RFX2: variants seen among roughly 807,000 people sequenced by gnomAD.
RFX2 encodes the protein regulatory factor X2, also known as DNA-binding protein RFX2.
RFX2 carries 20 observed loss-of-function variants against 87.8 expected under a neutral mutation model. That is an observed-to-expected ratio of 0.23 (90% CI 0.16 to 0.33). The LOEUF (loss-of-function observed/expected upper bound fraction) is 0.33. Among genes scored for constraint, RFX2 ranks in the 10% least tolerant of loss-of-function variants. RFX2 has a pLI of 1.00. For synonymous variants in RFX2, 397 were observed against 431.3 expected, an observed-to-expected ratio of 0.92 and a Z score of 0.98; for missense variants, 767 against 1,012.3, an observed-to-expected ratio of 0.76 and a Z score of 3.29.
In RFX2 at chr19:6,026,265, C is replaced by T. The variant is rs1193803618; in HGVS notation, c.523-28G>A. ...AAAGAAAATGTGTGCAGAAACAAAA[C>T]AAAACAAAATGGAAAAAAAAAAAAA... On this transcript the variant is annotated intron_variant, in intron 5 of 17. Transcript: ENST00000303657. This position sits in a 1 kb window ranked among gnomAD's most constrained non-coding sequence, Gnocchi z 4.5. 1.4e-6 allele frequency: 2 copies of T among 1,472,790 alleles called. No individual in the cohort carries two copies. The highest frequency in any genetic ancestry group is 2.4e-5 in the East Asian group (1 of 41,924). The allele number at this position is 1,472,790 out of a possible 1,614,324, so 91.2% of individuals were successfully genotyped here. A position where few individuals can be genotyped will look rare whatever the true frequency, so the allele number is the denominator to read the frequency against.
At chr19:6,109,543 TA>T (rs1376763054) in intron 1 of RFX2, among the ~76,000 whole-genome samples, 1 of 152,010 alleles carries the variant, frequency 6.6e-6, no homozygotes, top group Non-Finnish European at 1.5e-5. Context: ...GGGAGTCCAT[TA>T]AAAAGGGGGT....
intron 12 of RFX2, among the ~76,000 whole-genome samples, chr19:6,006,315 A>G (rs975159367): frequency 6.6e-6 from 1 of 151,484 alleles, no homozygotes; most frequent in African/African-American, 2.4e-5. Context: ...ATGCAACACC[A>G]CACCAGCTAA....
At chr19:6,104,704 ATGCAGCTCTC>A (rs1424505233) in intron 1 of RFX2, among the ~76,000 whole-genome samples, 2 of 152,136 alleles carry the variant, frequency 1.3e-5, no homozygotes, top group Non-Finnish European at 2.9e-5. Context: ...ACCACACCCA[ATGCAGCTCTC>A]AACTCTTCAT....
At chr19:6,033,242 T>A (rs533448506) in intron 5 of RFX2, among the ~76,000 whole-genome samples, 44 of 152,314 alleles carry the variant, frequency 2.9e-4, no homozygotes, top group African/African-American at 9.9e-4. Flanking sequence ...CTAATGTCCT[T>A]CCTCTGGACC....
In RFX2 at chr19:6,024,360, G is replaced by A. The variant is rs575130796; in HGVS notation, c.597+1803C>T. 5.8e-4 allele frequency among the ~76,000 whole-genome samples: 88 copies of A among 152,298 alleles called. No homozygotes were observed. Among genetic ancestry groups the A allele is most frequent in the Non-Finnish European group, 1.1e-3 (75 of 68,016 alleles). On this transcript the variant is annotated intron_variant, in intron 6 of 17. Coordinates refer to ENST00000303657, the MANE Select transcript of RFX2 (RefSeq NM_000635.4). This position sits in a 1 kb window ranked among gnomAD's most constrained non-coding sequence, Gnocchi z 5.0. ...CCTTCTCCCTGAGTTCATCTACAGG[G>A]AGGATGTCATCCAGCAGTGACAGAT... is the stretch of plus-strand genomic sequence containing the variant.
At chr19:6,107,616 CAAAAAAAAA>C (rs1156483792) in intron 1 of RFX2, among the ~76,000 whole-genome samples, 19 of 31,554 alleles carry the variant, frequency 6.0e-4, no homozygotes, top group African/African-American at 1.7e-3. Flanking sequence ...GACCCTGTCT[CAAAAAAAAA>C]AAAAAAAAAA....
At chr19:6,031,845 G>GTC (rs1468211082) in intron 5 of RFX2, among the ~76,000 whole-genome samples, 1 of 152,034 alleles carries the variant, frequency 6.6e-6, no homozygotes, top group African/African-American at 2.4e-5. Flanking sequence ...AAGAGGTGGG[G>GTC]TCTCTCTCTG....
intron 1 of RFX2, among the ~76,000 whole-genome samples, chr19:6,090,489 T>A (rs915849104): frequency 1.3e-5 from 2 of 151,534 alleles, no homozygotes; most frequent in African/African-American, 4.9e-5. Flanking sequence ...AGAACCACCA[T>A]GAAACACCAC....
At chr19:6,105,098 C>T (rs1238204296) in intron 1 of RFX2, among the ~76,000 whole-genome samples, 2 of 140,522 alleles carry the variant, frequency 1.4e-5, no homozygotes, top group Non-Finnish European at 3.0e-5. Flanking sequence ...AGCCTGGTGA[C>T]AGAGTGAGAC....
chr19:5,995,289 C>T (rs914246821), intron 17 of RFX2, among the ~76,000 whole-genome samples: 12 of 152,276 alleles, frequency 7.9e-5, no homozygotes, highest in Non-Finnish European at 1.6e-4. Flanking sequence ...TCCCTCTGGC[C>T]TGCCTGTCCC....
In RFX2 at chr19:6,047,661, C is replaced by T. The variant is rs528573751; in HGVS notation, c.-8-157G>A. 6.6e-5 allele frequency among the ~76,000 whole-genome samples: 10 copies of T among 152,304 alleles called. No homozygotes were observed. Among genetic ancestry groups the T allele is most frequent in the African/African-American group, 2.2e-4 (9 of 41,568 alleles). ...GTGGTACTGCCTAAGTGAGGAGCTG[C>T]GGAAACAGGCTGCACAACTGTCCCA... On this transcript the variant is annotated intron_variant, in intron 1 of 17. Coordinates refer to ENST00000303657, the MANE Select transcript of RFX2 (RefSeq NM_000635.4). The surrounding 1 kb of genome is among the most constrained non-coding windows in gnomAD (Gnocchi z 4.2).
At chr19:6,106,224 G>A (rs913580453) in intron 1 of RFX2, among the ~76,000 whole-genome samples, 8 of 139,388 alleles carry the variant, frequency 5.7e-5, no homozygotes, top group Non-Finnish European at 1.2e-4. Flanking sequence ...ATATTCCATC[G>A]GCCTGCCCAT....
At position 6,063,113 on chromosome 19, in the gene RFX2, T is replaced by C. The variant is rs963469714; in HGVS notation, c.-8-15609A>G. Among the ~76,000 whole-genome samples the C allele has an allele frequency of 6.6e-6, 1 of 152,160 alleles. No homozygotes were observed. Among genetic ancestry groups the C allele is most frequent in the Non-Finnish European group, 1.5e-5 (1 of 68,014 alleles). ...TGCTCCTAGGCCGCCTTCTCCCTCA[T>C]GCATCCAGCTACTTGGTTTGAAACT... On this transcript the variant is annotated intron_variant, in intron 1 of 17. Transcript: ENST00000303657. The surrounding 1 kb of genome is among the most constrained non-coding windows in gnomAD (Gnocchi z 4.0).
Position 6,010,196 on chromosome 19 carries a change from G to C in RFX2, c.955C>G (p.Leu319Val), listed in dbSNP as rs149873114. The C allele has an allele frequency of 1.4e-3, 2,097 of 1,548,726 alleles. 6 individuals are homozygous for C. The highest frequency in any genetic ancestry group is 1.6e-3 in the Non-Finnish European group (1,879 of 1,146,972). ...ATGGTCTGTTCCGGAGTGCTGTGCA[G>C]GCCGCTGTGGGAGCCGCTGTCCCCG... ...SLGDSGSHSG[L>V]HSTPEQTMAV... Residue 319 changes from leucine (L) to valine (V), a missense_variant, in exon 9 of 18, where the codon CTG becomes GTG. Physicochemically the swap from Leu to Val is conservative, Grantham distance 32. Around this residue, in one of 2 missense-constraint regions of RFX2, gnomAD observed 621 missense variants for 873.0 expected, o/e 0.71. Coordinates refer to ENST00000303657, the MANE Select transcript of RFX2 (RefSeq NM_000635.4). This position sits in a 1 kb window ranked among gnomAD's most constrained non-coding sequence, Gnocchi z 5.0.
In RFX2 at chr19:6,016,231, A is replaced by T; in HGVS notation, c.638T>A (p.Val213Glu). The stretch of plus-strand genomic sequence containing the variant: ...GTAAAGAGAACTTCTGGGGAGACTC[A>T]CACCTTCCGCTGTTTCATAATTATC... ...LLDNYETAEG[V>E]SLPRSSLYNH... Residue 213 changes from valine (V) to glutamate (E), a missense_variant, in exon 7 of 18, where the codon GTG (valine) becomes GAG (glutamate). Coordinates refer to ENST00000303657, the MANE Select transcript of RFX2 (RefSeq NM_000635.4). The surrounding 1 kb of genome is among the most constrained non-coding windows in gnomAD (Gnocchi z 5.4). 6.2e-7 allele frequency: 1 copy of T among 1,612,704 alleles called. No homozygotes were observed. The highest frequency in any genetic ancestry group is 2.2e-5 in the East Asian group (1 of 44,838).
rs565974168 is a variant in RFX2, at chr19:6,044,915, T to C, written c.91-633A>G. ...GCTCTCCAGCCTCCTAAGTCAAATC[T>C]GCACAGTGTGGCTTTGCTATTTTTC... On this transcript the variant is annotated intron_variant, in intron 2 of 17. Transcript: ENST00000303657. This position sits in a 1 kb window ranked among gnomAD's most constrained non-coding sequence, Gnocchi z 5.3. 2.0e-4 allele frequency among the ~76,000 whole-genome samples: 31 copies of C among 152,328 alleles called. No individual in the cohort carries two copies. In the South Asian group the frequency reaches 5.8e-3, roughly 28 times the overall value.
chr19:6,061,582 C>T lies in RFX2; in HGVS notation c.-8-14078G>A, dbSNP rs2087431620. ...GGAACATTTGGTTCCCTTCCTACTC[C>T]CGGCCCCGCCTCTGGATCTTACTGG... On this transcript the variant is annotated intron_variant, in intron 1 of 17. Coordinates refer to ENST00000303657, the MANE Select transcript of RFX2 (RefSeq NM_000635.4). The surrounding 1 kb of genome is among the most constrained non-coding windows in gnomAD (Gnocchi z 5.2). Among the ~76,000 whole-genome samples, 2 of 152,236 alleles carry T rather than the reference C, an allele frequency of 1.3e-5. No individual in the cohort carries two copies. Among genetic ancestry groups the T allele is most frequent in the Admixed American group, 1.3e-4 (2 of 15,288 alleles).
intron 1 of RFX2, among the ~76,000 whole-genome samples, chr19:6,099,320 T>G (rs2088079638): frequency 6.6e-6 from 1 of 152,136 alleles, no homozygotes; most frequent in East Asian, 1.9e-4. Context: ...TCCCCGAACT[T>G]TCTGGAAAAA....
At position 6,002,137 on chromosome 19, in the gene RFX2, C is replaced by G; in HGVS notation, c.1651-114G>C. 1 of 872,052 alleles carries G rather than the reference C, an allele frequency of 1.1e-6. No homozygotes were observed. Among genetic ancestry groups the G allele is most frequent in the Non-Finnish European group, 1.7e-6 (1 of 593,312 alleles). The allele number at this position is 872,052 out of a possible 1,614,324, so 54.0% of individuals were successfully genotyped here. Reference sequence around the variant, plus strand: ...TCGTGCTGTGCTTGAGCCTTCTCGCCCTTGACCTTGACAGCTGCAAGCCAA... The same window carrying G: ...TCGTGCTGTGCTTGAGCCTTCTCGCGCTTGACCTTGACAGCTGCAAGCCAA... On this transcript the variant is annotated intron_variant, in intron 14 of 17. Transcript: ENST00000303657. This position sits in a 1 kb window ranked among gnomAD's most constrained non-coding sequence, Gnocchi z 6.7.
Sources: allele counts gnomAD v4.1 joint callset (sites outside exome capture counted in the v4.1 genomes callset), GRCh38; gene constraint gnomAD v4.1.1; regional missense constraint gnomAD v4.1.1; non-coding constraint Gnocchi (gnomAD v3.1); transcripts MANE v1.5; gene names NCBI Gene and HGNC (gene_info 2026-07-23, HGNC 2026-07-21).